Variants in ATAD3B observed in about 807,000 individuals in gnomAD.
The protein encoded by ATAD3B is ATPase family AAA domain containing 3B.
A neutral mutation model predicts 70.2 loss-of-function variants in ATAD3B; 59 were observed. The observed-to-expected ratio is 0.84, with a 90% confidence interval of 0.68 to 1.04. The LOEUF (loss-of-function observed/expected upper bound fraction) is 1.04. Ranked by LOEUF, ATAD3B falls within the 50% of genes least tolerant of loss-of-function variation. The pLI is 0.00. For synonymous variants in ATAD3B, 423 were observed against 388.6 expected (o/e 1.09, Z -1.04); for missense variants, 961 against 913.4 (o/e 1.05, Z -0.67).
rs1639343777 is a variant in ATAD3B, at chr1:1,471,913, G to T, written c.29G>T (p.Gly10Val). The T allele has an allele frequency of 5.5e-6, 7 of 1,268,718 alleles. No individual in the cohort carries two copies. In the Admixed American group the frequency reaches 1.1e-4, roughly 20 times the overall value. 78.6% of individuals were successfully genotyped at this position (1,268,718 alleles called of 1,614,324 possible). The change falls in exon 1 of 16, where the codon GGC becomes GTC. Residue 10 changes from glycine to valine, a missense_variant. By Grantham distance (109) the Gly-to-Val change is moderately radical (BLOSUM62 -3). This residue lies in a region of ATAD3B where 187 missense variants were observed against 244.3 expected (regional missense o/e 0.77). Transcript: ENST00000673477. ...TCGTGGCTCTTCGGCGTTAACAAGG[G>T]CCCCAAGGGTGAAGGCGCGGGGCCG... is the stretch of plus-strand genomic sequence containing the variant. MSWLFGVNK[G>V]PKGEGAGPPP...
intron 14 of ATAD3B, 61 bp downstream of exon 14, chr1:1,490,485 G>A: frequency 6.2e-7 from 1 of 1,610,470 alleles, no homozygotes; most frequent in Non-Finnish European, 8.5e-7. Context: ...GTGTAGGCCA[G>A]CTGCCTGTCT....
At chr1:1,477,717 AT>A (rs1185366233) in intron 2 of ATAD3B, among the ~76,000 whole-genome samples, 1 of 142,650 alleles carries the variant, frequency 7.0e-6, no homozygotes, top group African/African-American at 2.8e-5. Context: ...ATTTTATTTT[AT>A]TTATTTTGAA....
At position 1,497,252 on chromosome 1, in the gene ATAD3B, C is replaced by T. The variant is rs934309518; in HGVS notation, c.*1435C>T. 1 of 150,654 alleles carries T rather than the reference C, an allele frequency of 6.6e-6. No homozygotes were observed. Among genetic ancestry groups the T allele is most frequent in the Non-Finnish European group, 1.5e-5 (1 of 67,886 alleles). The allele number at this position is 150,654 out of a possible 1,614,324, so 9.3% of individuals were successfully genotyped here. ...TAGAGATGGGTTCTTACTCTGAGCC[C>T]AGGCTGGAGTGCAGTGGTGTGATTA... is the stretch of plus-strand genomic sequence containing the variant. On this transcript the variant is annotated 3_prime_UTR_variant, in exon 16 of 16. Coordinates refer to ENST00000673477, the MANE Select transcript of ATAD3B (RefSeq NM_031921.6).
the ATAD3B span, among the ~76,000 whole-genome samples, chr1:1,504,161 G>A: frequency 2.6e-5 from 4 of 151,548 alleles, no homozygotes; most frequent in South Asian, 2.1e-4. Context: ...CTAATTTTTG[G>A]ATTTTTAGTA....
chr1:1,503,894 C>T, the ATAD3B span, among the ~76,000 whole-genome samples: 1 of 151,474 alleles, frequency 6.6e-6, no homozygotes, highest in African/African-American at 2.4e-5. Flanking sequence ...TCTGGTTGTC[C>T]GGAGGATGGG....
intron 7 of ATAD3B, chr1:1,483,165 T>A (rs2100557895): frequency 5.1e-6 from 2 of 391,178 alleles, no homozygotes; most frequent in South Asian, 3.8e-5. Context: ...TAGCTGGGTG[T>A]GGTGACATGT....
chr1:1,482,706 G>A (rs1436384659), intron 7 of ATAD3B, 92 bp downstream of exon 7: 2 of 1,588,668 alleles, frequency 1.3e-6, no homozygotes, highest in South Asian at 2.2e-5. Flanking sequence ...TGCCGGCTCT[G>A]CACAGCCCTG....
the ATAD3B span, chr1:1,503,612 C>T: frequency 1.9e-6 from 3 of 1,612,396 alleles, no homozygotes; most frequent in Non-Finnish European, 2.5e-6. Context: ...CTGAATGTGG[C>T]ACAGATGCAG....
chr1:1,507,970 A>G, the ATAD3B span, among the ~76,000 whole-genome samples: 1 of 152,208 alleles, frequency 6.6e-6, no homozygotes, highest in Non-Finnish European at 1.5e-5. Flanking sequence ...CCAGGAGGCC[A>G]CGTGACATTT....
the ATAD3B span, among the ~76,000 whole-genome samples, chr1:1,508,176 G>A: frequency 7.4e-3 from 1,117 of 151,720 alleles, 35 homozygotes; most frequent in African/African-American, 0.025. Flanking sequence ...GCAGTCCTGG[G>A]CCCCTGAGCC....
At chr1:1,485,324 C>A (rs4970453) in intron 8 of ATAD3B, among the ~76,000 whole-genome samples, 153 bp downstream of exon 8, 1 of 152,068 alleles carries the variant, frequency 6.6e-6, no homozygotes, top group Non-Finnish European at 1.5e-5. Context: ...TCCTGTCTGG[C>A]GCTGTACCTT....
chr1:1,495,193 G>A (rs1449831322), intron 15 of ATAD3B, among the ~76,000 whole-genome samples: 2 of 152,056 alleles, frequency 1.3e-5, no homozygotes, highest in Non-Finnish European at 2.9e-5. Flanking sequence ...CCTGCCTCTC[G>A]GAAGCTGCCC....
chr1:1,486,017 G>T, intron 9 of ATAD3B, 93 bp from the exon 10 acceptor site: 1 of 1,599,526 alleles, frequency 6.3e-7, no homozygotes, highest in Non-Finnish European at 8.5e-7. Flanking sequence ...TTCCTGAGGA[G>T]CAGAGTCCGC....
chr1:1,479,109 G>A lies in ATAD3B; in HGVS notation c.444+1G>A. 2 of 1,135,116 alleles carry A rather than the reference G, an allele frequency of 1.8e-6. No individual in the cohort carries two copies. The highest frequency in any genetic ancestry group is 2.5e-6 in the Non-Finnish European group (2 of 815,756). 70.3% of individuals were successfully genotyped at this position (1,135,116 alleles called of 1,614,324 possible). A position where few individuals can be genotyped will look rare whatever the true frequency, so the allele number is the denominator to read the frequency against. On this transcript the variant is annotated splice_donor_variant, in intron 4 of 15. Coordinates refer to ENST00000673477, the MANE Select transcript of ATAD3B (RefSeq NM_031921.6). LOFTEE classifies it high-confidence loss of function. ...CTACGAGGACCAACTGAAGCAGCAGGTGAGCTCAGCCTCCCCTGCGAGGCG... is the reference window on the plus strand; with the variant it reads ...CTACGAGGACCAACTGAAGCAGCAGATGAGCTCAGCCTCCCCTGCGAGGCG...
chr1:1,474,187 T>G (rs1357083543), intron 1 of ATAD3B, among the ~76,000 whole-genome samples: 1 of 145,406 alleles, frequency 6.9e-6, no homozygotes, highest in Admixed American at 6.8e-5. Flanking sequence ...TTTTCTTTTT[T>G]CTTTTCTTTT....
At chr1:1,509,311 G>T in the ATAD3B span, 8 of 1,612,300 alleles carry the variant, frequency 5.0e-6, no homozygotes, top group East Asian at 6.7e-5. Context: ...TGGCTGAAGA[G>T]GGGGAGGCCT....
Position 1,495,621 on chromosome 1 carries a change from C to T in ATAD3B, c.1751C>T (p.Pro584Leu). The change falls in exon 16 of 16, where the codon CCC (proline) becomes CTC (leucine). Residue 584 changes from proline to leucine, a missense_variant. By Grantham distance (98) the Pro-to-Leu change is moderately conservative. Coordinates refer to ENST00000673477, the MANE Select transcript of ATAD3B (RefSeq NM_031921.6). ...GGGCCTGGGCGCGGGGTCGAGCACC[C>T]CCTATCCGGAGTCCAAGGCGAGACC... The part of the protein sequence containing the change: ...AEGPGRGVEH[P>L]LSGVQGETLT... The T allele has an allele frequency of 6.2e-7, 1 of 1,613,004 alleles. No individual in the cohort carries two copies. The highest frequency in any genetic ancestry group is 8.5e-7 in the Non-Finnish European group (1 of 1,179,466).
intron 12 of ATAD3B, among the ~76,000 whole-genome samples, chr1:1,488,917 C>T (rs1292577379): frequency 6.6e-6 from 1 of 151,858 alleles, no homozygotes; most frequent in African/African-American, 2.4e-5. Context: ...GGTGTGCCAC[C>T]ATGCATGGCT....
chr1:1,501,662 A>T (rs1443239310), downstream of ATAD3B, among the ~76,000 whole-genome samples: 1 of 152,072 alleles, frequency 6.6e-6, no homozygotes, highest in Non-Finnish European at 1.5e-5. Context: ...GAGTGCAGGG[A>T]TTACAGGTGT....
Sources: gnomAD v4.1 joint callset for allele counts (sites outside exome capture counted in the v4.1 genomes callset) on GRCh38, gnomAD v4.1.1 for gene constraint, gnomAD v4.1.1 regional missense constraint, MANE v1.5 for transcripts, NCBI Gene and HGNC (gene_info 2026-07-23, HGNC 2026-07-21) for gene names.